Variants in WWP2 observed in about 807,000 individuals in gnomAD.
WWP2 encodes the protein NEDD4-like E3 ubiquitin-protein ligase WWP2.
Under a neutral mutation model 121.0 loss-of-function variants are expected in WWP2, and 57 were observed. The observed-to-expected ratio is 0.47, with a 90% CI of 0.38 to 0.59. The LOEUF is 0.59. Among genes scored for constraint, WWP2 ranks in the 20% least tolerant of loss-of-function variants. The pLI, the probability that WWP2 is intolerant of heterozygous loss-of-function variation, is 0.00. For synonymous variants in WWP2, 449 were observed against 441.3 expected (o/e 1.02, Z -0.22); for missense variants, 962 against 1,158.9 (o/e 0.83, Z 2.47).
chr16:69,888,303 C>G, intron 8 of WWP2, 54 bp downstream of exon 8: 1 of 1,558,438 alleles, frequency 6.4e-7, no homozygotes, highest in Admixed American at 1.9e-5. Context: ...ACTGAGGCTC[C>G]TTTACGGGGG....
chr16:69,875,806 T>C (rs960575516), intron 7 of WWP2, among the ~76,000 whole-genome samples: 1 of 152,218 alleles, frequency 6.6e-6, no homozygotes, highest in African/African-American at 2.4e-5. Flanking sequence ...CTTCCTCCAC[T>C]GAAATCTTGA....
intron 2 of WWP2, among the ~76,000 whole-genome samples, chr16:69,797,423 G>C (rs76533226): frequency 0.058 from 8,897 of 152,192 alleles, 855 homozygotes; most frequent in African/African-American, 0.2. Flanking sequence ...TAGAGTGGGA[G>C]AGTGACCTTG....
intron 1 of WWP2, among the ~76,000 whole-genome samples, chr16:69,769,470 A>G (rs1397159759): frequency 6.6e-6 from 1 of 152,132 alleles, no homozygotes; most frequent in Non-Finnish European, 1.5e-5. Flanking sequence ...AAGAAATAAA[A>G]TATTGATACT....
intron 21 of WWP2, among the ~76,000 whole-genome samples, chr16:69,938,660 G>C (rs1247846813): frequency 6.6e-6 from 1 of 152,142 alleles, no homozygotes; most frequent in Admixed American, 6.5e-5. Flanking sequence ...TCACAGTGTT[G>C]TGCACCTGGC....
Position 69,799,121 on chromosome 16 carries a change from A to G in WWP2, c.219-53A>G, listed in dbSNP as rs2056109573. 1 of 1,563,498 alleles carries G rather than the reference A, an allele frequency of 6.4e-7. No individual in the cohort carries two copies. The highest frequency in any genetic ancestry group is 2.0e-5 in the Admixed American group (1 of 50,420). ...CAGTTTAGTTTAAATGTTTTCTTCT[A>G]AGTTATAGGAATGATCTGCTTGGAT... On this transcript the variant is annotated intron_variant, in intron 3 of 23. Transcript: ENST00000359154. The surrounding 1 kb of genome is among the most constrained non-coding windows in gnomAD (Gnocchi z 4.5).
intron 8 of WWP2, chr16:69,890,848 C>A (rs1342143185): frequency 6.6e-6 from 1 of 152,200 alleles, no homozygotes; most frequent in African/African-American, 2.4e-5. Flanking sequence ...TCCCCTCCCT[C>A]ATCCTGCCAG....
At chr16:69,823,127 T>C (rs1490373928) in intron 4 of WWP2, among the ~76,000 whole-genome samples, 1 of 152,142 alleles carries the variant, frequency 6.6e-6, no homozygotes, top group Non-Finnish European at 1.5e-5. Flanking sequence ...CGAGACTGTG[T>C]CTCAAAAAAG....
intron 4 of WWP2, among the ~76,000 whole-genome samples, chr16:69,825,851 T>A (rs759284028): frequency 1.6e-4 from 25 of 152,234 alleles, no homozygotes; most frequent in Non-Finnish European, 3.5e-4. Flanking sequence ...GGTCTCAAAC[T>A]GGGCTCAAGG....
At chr16:69,884,506 T>G (rs1438707159) in intron 7 of WWP2, among the ~76,000 whole-genome samples, 1 of 152,100 alleles carries the variant, frequency 6.6e-6, no homozygotes, top group Non-Finnish European at 1.5e-5. Flanking sequence ...CATGAGCCTG[T>G]AGTCCCAGCT....
At chr16:69,929,594 C>A (rs2058684869) in intron 12 of WWP2, 65 bp downstream of exon 12, 1 of 1,470,652 alleles carries the variant, frequency 6.8e-7, no homozygotes, top group Non-Finnish European at 9.5e-7. Flanking sequence ...CAGCACTGGG[C>A]AGGTGGCTTT....
intron 11 of WWP2, among the ~76,000 whole-genome samples, chr16:69,928,758 A>G (rs979516453): frequency 1.6e-4 from 24 of 152,206 alleles, no homozygotes; most frequent in African/African-American, 5.5e-4. Flanking sequence ...TAAAAAAGAA[A>G]AAAAAGATAC....
chr16:69,909,335 C>T, intron 9 of WWP2: 11 of 986,342 alleles, frequency 1.1e-5, no homozygotes, highest in Non-Finnish European at 1.3e-5. Flanking sequence ...TATTCTGCTC[C>T]AAGAAAGAAT....
intron 6 of WWP2, among the ~76,000 whole-genome samples, chr16:69,856,649 C>T (rs1396148315): frequency 6.6e-6 from 1 of 152,046 alleles, no homozygotes; most frequent in Non-Finnish European, 1.5e-5. Flanking sequence ...TGGCATGTGC[C>T]TGTAGTCTCA....
At chr16:69,771,952 C>CTTTTTTTTTT (rs56376857) in intron 1 of WWP2, among the ~76,000 whole-genome samples, 2 of 55,808 alleles carry the variant, frequency 3.6e-5, no homozygotes, top group Admixed American at 2.3e-4. Context: ...TCTTTTTAGT[C>CTTTTTTTTTT]TTTTTTTTTT....
chr16:69,803,450 C>A (rs1310227799), intron 4 of WWP2, among the ~76,000 whole-genome samples: 1 of 151,988 alleles, frequency 6.6e-6, no homozygotes, highest in Non-Finnish European at 1.5e-5. Context: ...TGTCTAATAA[C>A]CTGTTCATAG....
At chr16:69,909,937 G>A (rs1013684051) in intron 9 of WWP2, 1 of 159,854 alleles carries the variant, frequency 6.3e-6, no homozygotes, top group African/African-American at 2.4e-5. Flanking sequence ...CCCTCTGACT[G>A]TTTTTGTAAA....
intron 9 of WWP2, among the ~76,000 whole-genome samples, chr16:69,911,003 C>T (rs1352847533): frequency 2.0e-5 from 3 of 152,204 alleles, no homozygotes; most frequent in Non-Finnish European, 2.9e-5. Context: ...GCTCTGTAAT[C>T]ACAGGGGATC....
chr16:69,875,858 C>T (rs2151922287), intron 7 of WWP2, among the ~76,000 whole-genome samples: 1 of 152,302 alleles, frequency 6.6e-6, no homozygotes, highest in Non-Finnish European at 1.5e-5. Context: ...TTCTTCCAAA[C>T]TCCTGTTGTG....
intron 9 of WWP2, among the ~76,000 whole-genome samples, chr16:69,916,080 A>T (rs559441093): frequency 2.0e-5 from 3 of 152,040 alleles, no homozygotes; most frequent in Admixed American, 2.0e-4. Flanking sequence ...AATAAAAATC[A>T]CTAGTTTAGA....
Sources: allele counts gnomAD v4.1 joint callset (sites outside exome capture counted in the v4.1 genomes callset), GRCh38; gene constraint gnomAD v4.1.1; non-coding constraint Gnocchi (gnomAD v3.1); transcripts MANE v1.5; gene names NCBI Gene and HGNC (gene_info 2026-07-23, HGNC 2026-07-21).